GALR1: variants seen among roughly 807,000 people sequenced by gnomAD.
GALR1 encodes the protein galanin receptor type 1.
GALR1 carries 11 observed loss-of-function variants against 17.9 expected under a neutral mutation model. The observed-to-expected ratio is 0.62, with a 90% confidence interval of 0.39 to 1.02. The LOEUF (loss-of-function observed/expected upper bound fraction) is 1.02. Among genes scored for constraint, GALR1 ranks in the 50% least tolerant of loss-of-function variants. GALR1 has a pLI of 0.01. For synonymous variants in GALR1, 206 were observed against 205.7 expected (o/e 1.00, Z -0.01); for missense variants, 441 against 456.9 (o/e 0.97, Z 0.32).
intron 1 of GALR1, among the ~76,000 whole-genome samples, chr18:77,251,867 A>G (rs185424358): frequency 1.3e-4 from 20 of 152,236 alleles, no homozygotes; most frequent in Non-Finnish European, 2.8e-4. Flanking sequence ...CAGAGCCTCG[A>G]ATTTTATTTT....
At chr18:77,253,566 T>C (rs551983170) in intron 1 of GALR1, among the ~76,000 whole-genome samples, 1 of 152,346 alleles carries the variant, frequency 6.6e-6, no homozygotes, top group Admixed American at 6.5e-5. Flanking sequence ...ATAATATTCA[T>C]AATATTTGCA....
chr18:77,265,765 T>A (rs1912932229), intron 2 of GALR1, among the ~76,000 whole-genome samples: 1 of 152,194 alleles, frequency 6.6e-6, no homozygotes, highest in Non-Finnish European at 1.5e-5. Flanking sequence ...GCTTGGGGCT[T>A]ACACCTGCTA....
chr18:77,275,876 C>G lies in GALR1; in HGVS notation c.*6974C>G, dbSNP rs1188533033. On this transcript the variant is annotated 3_prime_UTR_variant, in exon 3 of 3. Transcript: ENST00000299727. ...GAGGTTACAAAAGAGGCTTCGGTAG[C>G]GTCCTCAGGCCCGCGTGCCCTGTGT... 6.6e-6 allele frequency: 1 copy of G among 152,182 alleles called. No individual in the cohort carries two copies. The highest frequency in any genetic ancestry group is 1.5e-5 in the Non-Finnish European group (1 of 68,036). The allele number at this position is 152,182 out of a possible 1,614,324, so 9.4% of individuals were successfully genotyped here.
rs1459322363 is a variant in GALR1, at chr18:77,270,509, G to A, written c.*1607G>A. ...AGCCTGGATGACAGAGTAAGACTCTGTCTAAAATATATATATATATGTGTG... is the reference window on the plus strand; with the variant it reads ...AGCCTGGATGACAGAGTAAGACTCTATCTAAAATATATATATATATGTGTG... On this transcript the variant is annotated 3_prime_UTR_variant, in exon 3 of 3. Coordinates refer to ENST00000299727, the MANE Select transcript of GALR1 (RefSeq NM_001480.4). 6.9e-6 allele frequency: 1 copy of A among 143,894 alleles called. No individual in the cohort carries two copies. Among genetic ancestry groups the A allele is most frequent in the East Asian group, 2.1e-4 (1 of 4,834 alleles). The allele number at this position is 143,894 out of a possible 1,614,324, so 8.9% of individuals were successfully genotyped here.
intron 2 of GALR1, among the ~76,000 whole-genome samples, chr18:77,258,517 T>A (rs530018286): frequency 7.7e-6 from 1 of 129,812 alleles, no homozygotes; most frequent in African/African-American, 2.9e-5. Flanking sequence ...ATGATGGTGA[T>A]CATTGTGGTG....
chr18:77,259,005 AGTGGTG>A (rs1196107674), intron 2 of GALR1, among the ~76,000 whole-genome samples: 3 of 53,262 alleles, frequency 5.6e-5, no homozygotes, highest in Non-Finnish European at 1.2e-4. Context: ...TGGTGGTCAC[AGTGGTG>A]GTGGTGTTGG....
In GALR1 at chr18:77,256,181, G is replaced by T. The variant is rs1328323977; in HGVS notation, c.690G>T (p.Lys230Asn). The T allele has an allele frequency of 1.9e-6, 3 of 1,604,570 alleles. No homozygotes were observed. Among genetic ancestry groups the T allele is most frequent in the Non-Finnish European group, 2.6e-6 (3 of 1,171,458 alleles). Reference protein sequence around the residue: ...YAKVLNHLHKKLKNMSKKSEA... With the variant: ...YAKVLNHLHKNLKNMSKKSEA... The stretch of plus-strand genomic sequence containing the variant: ...AGGTCCTTAATCACTTGCATAAAAA[G>T]TTGAAGAACATGTCAAAGAAGTCTG... Residue 230 changes from lysine to asparagine, a missense_variant, in exon 2 of 3, where the codon AAG becomes AAT. Lys to Asn is a moderately conservative substitution (Grantham distance 94). Transcript: ENST00000299727.
rs1452032361 is a variant in GALR1, at chr18:77,277,042, G to A, written c.*8140G>A. On this transcript the variant is annotated 3_prime_UTR_variant, in exon 3 of 3. Transcript: ENST00000299727. ...TTAGATGTGAAGTTTTGAACCCAGT[G>A]TTTAAACTCAGTGTTTAAATATTTG... is the stretch of plus-strand genomic sequence containing the variant. 1.3e-5 allele frequency: 2 copies of A among 152,290 alleles called. No individual in the cohort carries two copies. Among genetic ancestry groups the A allele is most frequent in the South Asian group, 2.1e-4 (1 of 4,826 alleles). 9.4% of individuals were successfully genotyped at this position (152,290 alleles called of 1,614,324 possible). A position where few individuals can be genotyped will look rare whatever the true frequency, so the allele number is the denominator to read the frequency against.
chr18:77,251,358 A>G, intron 1 of GALR1, 144 bp downstream of exon 1: 1 of 1,294,524 alleles, frequency 7.7e-7, no homozygotes, highest in African/African-American at 1.5e-5. Flanking sequence ...GCTGGTACGG[A>G]TCTGTGCAGA....
At chr18:77,255,891 C>T (rs1398294805) in intron 1 of GALR1, among the ~76,000 whole-genome samples, 2 of 152,194 alleles carry the variant, frequency 1.3e-5, no homozygotes, top group Non-Finnish European at 2.9e-5. Context: ...CAGAGCTCCA[C>T]GCCCTGGGCA....
rs950550088 is a variant in GALR1 at position 77,270,652 on chromosome 18, A to T, written c.*1750A>T. ...CTTGACATAAGCCTTTGGCATGCTA[A>T]TTTTTTTAGCTCATTCACTTACTTT... is the stretch of plus-strand genomic sequence containing the variant. On this transcript the variant is annotated 3_prime_UTR_variant, in exon 3 of 3. Transcript: ENST00000299727. 1 of 151,872 alleles carries T rather than the reference A, an allele frequency of 6.6e-6. No homozygotes were observed. The highest frequency in any genetic ancestry group is 6.6e-5 in the Admixed American group (1 of 15,246). 9.4% of individuals were successfully genotyped at this position (151,872 alleles called of 1,614,324 possible). A position where few individuals can be genotyped will look rare whatever the true frequency, so the allele number is the denominator to read the frequency against.
intron 2 of GALR1, among the ~76,000 whole-genome samples, chr18:77,258,962 GGTGGCGATT>G (rs1912716337): frequency 2.1e-5 from 3 of 139,658 alleles, no homozygotes; most frequent in African/African-American, 8.2e-5. Flanking sequence ...TGGTGGTCAT[GGTGGCGATT>G]GTGGTGATGG....
At chr18:77,252,267 G>A (rs1040674942) in intron 1 of GALR1, among the ~76,000 whole-genome samples, 4 of 151,652 alleles carry the variant, frequency 2.6e-5, no homozygotes, top group African/African-American at 9.8e-5. Context: ...GCGATTCACC[G>A]GGTAAACCCT....
At position 77,251,008 on chromosome 18, in the gene GALR1, C is replaced by CA; in HGVS notation, c.460_461insA (p.Leu154HisfsTer72). 6.2e-7 allele frequency: 1 copy of CA among 1,605,062 alleles called. No individual in the cohort carries two copies. Among genetic ancestry groups the CA allele is most frequent in the Non-Finnish European group, 8.5e-7 (1 of 1,179,864 alleles). ...CCTCAGGGTGTCCCGCAACGCGCTGCTGGGCGTGGGCTGCATCTGGGCGCT... is the reference window on the plus strand; with the variant it reads ...CCTCAGGGTGTCCCGCAACGCGCTGCATGGGCGTGGGCTGCATCTGGGCGCT... On this transcript the variant is annotated frameshift_variant, in exon 1 of 3. Transcript: ENST00000299727. LOFTEE classifies it high-confidence loss of function.
Position 77,268,981 on chromosome 18 carries a change from C to T in GALR1, c.*79C>T, listed in dbSNP as rs1285775064. ...GAAACAAACAGAATGAGCTAGTAAG[C>T]GATGCTGCAACTTGTTATCTTAACA... On this transcript the variant is annotated 3_prime_UTR_variant, in exon 3 of 3. Transcript: ENST00000299727. 3.2e-5 allele frequency: 33 copies of T among 1,036,972 alleles called. No homozygotes were observed. The highest frequency in any genetic ancestry group is 1.4e-4 in the East Asian group (6 of 41,630). The allele number at this position is 1,036,972 out of a possible 1,614,324, so 64.2% of individuals were successfully genotyped here. A position where few individuals can be genotyped will look rare whatever the true frequency, so the allele number is the denominator to read the frequency against.
At chr18:77,265,003 C>T (rs967950576) in intron 2 of GALR1, among the ~76,000 whole-genome samples, 8 of 152,122 alleles carry the variant, frequency 5.3e-5, no homozygotes, top group African/African-American at 1.9e-4. Flanking sequence ...ATCTCATGTC[C>T]TCACATTTCA....
At chr18:77,263,256 T>C (rs1912872565) in intron 2 of GALR1, among the ~76,000 whole-genome samples, 1 of 152,180 alleles carries the variant, frequency 6.6e-6, no homozygotes, top group Admixed American at 6.5e-5. Context: ...GATAAATGGA[T>C]TGATAGAAGG....
Position 77,250,997 on chromosome 18 carries a change from G to C in GALR1, c.449G>C (p.Arg150Pro). ...CGCTCCTCCTCCCTCAGGGTGTCCCGCAACGCGCTGCTGGGCGTGGGCTGC... is the reference window on the plus strand; with the variant it reads ...CGCTCCTCCTCCCTCAGGGTGTCCCCCAACGCGCTGCTGGGCGTGGGCTGC... ...SRRSSSLRVS[R>P]NALLGVGCIW... The change falls in exon 1 of 3, where the codon CGC (arginine) becomes CCC (proline). Residue 150 changes from arginine to proline, a missense_variant. Arg to Pro is a moderately radical substitution (Grantham distance 103, BLOSUM62 -2). Coordinates refer to ENST00000299727, the MANE Select transcript of GALR1 (RefSeq NM_001480.4). 4.4e-6 allele frequency: 7 copies of C among 1,604,426 alleles called. No individual in the cohort carries two copies. Among genetic ancestry groups the C allele is most frequent in the Non-Finnish European group, 5.9e-6 (7 of 1,179,860 alleles).
rs4416101 is a variant in GALR1, at chr18:77,251,230, G to T, written c.666+16G>T. ...CTATGCCAAGGTGCACGCCGGTCGC[G>T]GGGCCGAGACGCGCGAGGGAGGGCG... On this transcript the variant is annotated intron_variant, in intron 1 of 2. Transcript: ENST00000299727. 6,719 of 1,582,890 alleles carry T rather than the reference G, an allele frequency of 4.2e-3. 228 individuals carry two copies. The African/African-American group carries it at 0.077, about 18-fold the overall frequency.
Sources: allele counts gnomAD v4.1 joint callset (sites outside exome capture counted in the v4.1 genomes callset), GRCh38; gene constraint gnomAD v4.1.1; transcripts MANE v1.5; gene names NCBI Gene and HGNC (gene_info 2026-07-23, HGNC 2026-07-21).